RBM3: variants seen among roughly 807,000 people sequenced by gnomAD.
The protein encoded by RBM3 is RNA binding motif protein 3, also known as RNA-binding protein 3.
Under a neutral mutation model 12.0 loss-of-function variants are expected in RBM3, and 3 were observed. The observed-to-expected ratio is 0.25, with a 90% CI of 0.11 to 0.65. RBM3 has a LOEUF of 0.65. Ranked by LOEUF, RBM3 falls within the 30% of genes least tolerant of loss-of-function variation. The pLI, the probability that RBM3 is intolerant of heterozygous loss-of-function variation, is 0.84. For missense variants in RBM3, 108 were observed against 134.5 expected (o/e 0.80, Z 0.97); for synonymous variants, 58 against 45.7 (o/e 1.27, Z -1.08).
At chrX:48,577,328 A>C in intron 6 of RBM3, 137 bp from the exon 7 acceptor site, 2 of 921,492 alleles carry the variant, frequency 2.2e-6, no homozygotes, top group East Asian at 6.8e-5. Flanking sequence ...ATAATCTTCT[A>C]CTCTTGTGTG....
intron 2 of RBM3, 96 bp from the exon 3 acceptor site, chrX:48,575,465 C>G (rs1327748071): frequency 1.9e-5 from 16 of 855,023 alleles, no homozygotes; most frequent in African/African-American, 4.0e-5. Flanking sequence ...CTCCGTTTTC[C>G]CTACCTATGC....
In RBM3 at chrX:48,576,431, G is replaced by A; in HGVS notation, c.316+12G>A. On this transcript the variant is annotated intron_variant, in intron 4 of 6. Transcript: ENST00000376759. ...CAGCTACTCTAGAGGTGAGTGCAGT[G>A]ATCGTTTTGATCATGGGGTGAGAGG... 8.3e-7 allele frequency: 1 copy of A among 1,205,593 alleles called. No individual in the cohort carries two copies. Among genetic ancestry groups the A allele is most frequent in the Non-Finnish European group, 1.1e-6 (1 of 892,580 alleles).
intron 1 of RBM3, chrX:48,574,891 G>C (rs1343198278): frequency 2.4e-6 from 1 of 412,933 alleles, no homozygotes; most frequent in Non-Finnish European, 4.5e-6. Flanking sequence ...GGAACGCAGG[G>C]ATGTTCTGGG....
Position 48,575,225 on chromosome X carries a change from T to A in RBM3, c.45T>A (p.Phe15Leu), listed in dbSNP as rs371016165. The A allele has an allele frequency of 1.7e-6, 2 of 1,210,449 alleles. No homozygotes were observed. Among genetic ancestry groups the A allele is most frequent in the Non-Finnish European group, 2.2e-6 (2 of 895,011 alleles). The change falls in exon 2 of 7, where the codon TTT becomes TTA. Residue 15 changes from phenylalanine to leucine, a missense_variant. Physicochemically the swap from Phe to Leu is conservative, Grantham distance 22 (BLOSUM62 0). Transcript: ENST00000376759. ...AGCTCTTCGTGGGAGGGCTCAACTT[T>A]AACACCGACGAGCAGGCACTGGAAG... ...EGKLFVGGLN[F>L]NTDEQALEDH... is the part of the protein sequence containing the mutation.
Position 48,579,428 on chromosome X carries a change from T to C in RBM3, c.*1987T>C, listed in dbSNP as rs782715944. On this transcript the variant is annotated 3_prime_UTR_variant, in exon 7 of 7. Coordinates refer to ENST00000376759, the MANE Select transcript of RBM3 (RefSeq NM_006743.5). ...GACAGGCCCCAATATCCCTTCTTCC[T>C]GTAACCCAAACAGTCATGAATTTGC... Among the ~76,000 whole-genome samples, 3 of 111,950 alleles carry C rather than the reference T, an allele frequency of 2.7e-5. No individual in the cohort carries two copies. Among genetic ancestry groups the C allele is most frequent in the Non-Finnish European group, 5.6e-5 (3 of 53,182 alleles).
In RBM3 at chrX:48,575,241, G is replaced by C; in HGVS notation, c.61G>C (p.Ala21Pro). The C allele has an allele frequency of 8.3e-7, 1 of 1,210,304 alleles. No individual in the cohort carries two copies. The highest frequency in any genetic ancestry group is 1.1e-6 in the Non-Finnish European group (1 of 894,863). ...GGLNFNTDEQ[A>P]LEDHFSSFGP... Reference sequence around the variant, plus strand: ...GCTCAACTTTAACACCGACGAGCAGGCACTGGAAGACCACTTCAGCAGTTT... The same window carrying C: ...GCTCAACTTTAACACCGACGAGCAGCCACTGGAAGACCACTTCAGCAGTTT... The change falls in exon 2 of 7, where the codon GCA becomes CCA. Residue 21 changes from alanine to proline, a missense_variant. Ala to Pro is a conservative substitution (Grantham distance 27). Around this residue, in one of 2 missense-constraint regions of RBM3, gnomAD observed 43 missense variants for 79.6 expected, o/e 0.54. Transcript: ENST00000376759.
chrX:48,575,799 C>T, intron 3 of RBM3, 132 bp downstream of exon 3: 1 of 671,955 alleles, frequency 1.5e-6, no homozygotes, highest in Non-Finnish European at 2.2e-6. Context: ...AGGAGCATGA[C>T]TGCCTTTTGT....
chrX:48,577,744 A>G lies in RBM3; in HGVS notation c.*303A>G, dbSNP rs2062087523. On this transcript the variant is annotated 3_prime_UTR_variant, in exon 7 of 7. Coordinates refer to ENST00000376759, the MANE Select transcript of RBM3 (RefSeq NM_006743.5). ...GCTCTTAGGTTTATTGGAGCTAGCAATAATTGGTTCTGGCAAGTTTGGCCA... is the reference window on the plus strand; with the variant it reads ...GCTCTTAGGTTTATTGGAGCTAGCAGTAATTGGTTCTGGCAAGTTTGGCCA... 5.2e-6 allele frequency: 1 copy of G among 193,935 alleles called. No individual in the cohort carries two copies. Among genetic ancestry groups the G allele is most frequent in the Non-Finnish European group, 9.5e-6 (1 of 104,983 alleles). The allele number at this position is 193,935 out of a possible 1,213,427, so 16.0% of individuals were successfully genotyped here.
chrX:48,580,495 C>G lies in RBM3; in HGVS notation c.*3054C>G, dbSNP rs781944930. Reference sequence around the variant, plus strand: ...CACTGTACCCTCCGCCTCCCAGGTTCAAGCAGTTCTCATGCCTCAGCCTCC... The same window carrying G: ...CACTGTACCCTCCGCCTCCCAGGTTGAAGCAGTTCTCATGCCTCAGCCTCC... On this transcript the variant is annotated 3_prime_UTR_variant, in exon 7 of 7. Transcript: ENST00000376759. 1.4e-4 allele frequency among the ~76,000 whole-genome samples: 16 copies of G among 111,404 alleles called. No individual in the cohort carries two copies. The highest frequency in any genetic ancestry group is 2.4e-4 in the Non-Finnish European group (13 of 53,095).
At position 48,577,100 on chromosome X, in the gene RBM3, C is replaced by T. The variant is rs1261563627; in HGVS notation, c.*14C>T. Reference sequence around the variant, plus strand: ...TATGACAACTGAAATGAGACATGCACATAATATAGGTGAGACTTGGATATC... The same window carrying T: ...TATGACAACTGAAATGAGACATGCATATAATATAGGTGAGACTTGGATATC... On this transcript the variant is annotated 3_prime_UTR_variant, in exon 6 of 7. Coordinates refer to ENST00000376759, the MANE Select transcript of RBM3 (RefSeq NM_006743.5). 1 of 1,209,793 alleles carries T rather than the reference C, an allele frequency of 8.3e-7. No individual in the cohort carries two copies. The highest frequency in any genetic ancestry group is 2.3e-4 in the Middle Eastern group (1 of 4,355).
In RBM3 at chrX:48,581,077, G is replaced by GT. The variant is rs1225443376; in HGVS notation, c.*3636_*3637insT. 9.7e-6 allele frequency: 1 copy of GT among 103,443 alleles called. No individual in the cohort carries two copies. The highest frequency in any genetic ancestry group is 3.7e-5 in the African/African-American group (1 of 26,882). The allele number at this position is 103,443 out of a possible 1,213,427, so 8.5% of individuals were successfully genotyped here. ...AAGTGCCCTGGATCTGGGGGCGGGG[G>GT]GGGGCGGGGGGAATGGGTCTTTTCT... On this transcript the variant is annotated 3_prime_UTR_variant, in exon 7 of 7. Transcript: ENST00000376759.
rs1556990044 is a variant in RBM3 at position 48,579,279 on chromosome X, C to T, written c.*1838C>T. On this transcript the variant is annotated 3_prime_UTR_variant, in exon 7 of 7. Transcript: ENST00000376759. ...TGGCTAATACTGAGCTAAGTTACCA[C>T]CAGGTTGCAAACTCCAGGACATTAT... 8.9e-6 allele frequency among the ~76,000 whole-genome samples: 1 copy of T among 111,963 alleles called. No individual in the cohort carries two copies. The highest frequency in any genetic ancestry group is 9.6e-5 in the Admixed American group (1 of 10,451).
At position 48,577,460 on chromosome X, in the gene RBM3, C is replaced by G. The variant is rs782274648; in HGVS notation, c.*24-5C>G. ...TCACAATTCTCCCCCTCTTGCTGTT[C>G]CCAGATACACAAGGAATAATTTCTG... On this transcript the variant is annotated splice_polypyrimidine_tract_variant and splice_region_variant and intron_variant, in intron 6 of 6. Coordinates refer to ENST00000376759, the MANE Select transcript of RBM3 (RefSeq NM_006743.5). The G allele has an allele frequency of 1.2e-5, 13 of 1,048,745 alleles. No individual in the cohort carries two copies. In the Admixed American group the frequency reaches 3.1e-4, roughly 25 times the overall value. 86.4% of individuals were successfully genotyped at this position (1,048,745 alleles called of 1,213,427 possible). A position where few individuals can be genotyped will look rare whatever the true frequency, so the allele number is the denominator to read the frequency against.
rs782133802 is a variant in RBM3, at chrX:48,576,601, G to T, written c.410G>T (p.Gly137Val). 20 of 1,170,935 alleles carry T rather than the reference G, an allele frequency of 1.7e-5. No individual in the cohort carries two copies. The highest frequency in any genetic ancestry group is 2.6e-5 in the Admixed American group (1 of 39,093). ...YGYGRSRDYN[G>V]RNQGGYDRYS... ...TATGGACGTTCCAGAGACTATAATG[G>T]CAGGTGGGTAGCCAAAGGGCTGGGA... The change falls in exon 5 of 7, where the codon GGC (glycine) becomes GTC (valine). Residue 137 changes from glycine to valine, a missense_variant. By Grantham distance (109) the Gly-to-Val change is moderately radical. Coordinates refer to ENST00000376759, the MANE Select transcript of RBM3 (RefSeq NM_006743.5).
At position 48,575,386 on chromosome X, in the gene RBM3, TC is replaced by T. The variant is rs1161235491; in HGVS notation, c.103+104del. 4 of 873,573 alleles carry T rather than the reference TC, an allele frequency of 4.6e-6. No individual in the cohort carries two copies. In the Admixed American group the frequency reaches 1.1e-4, roughly 24 times the overall value. The allele number at this position is 873,573 out of a possible 1,213,427, so 72.0% of individuals were successfully genotyped here. Reference sequence around the variant, plus strand: ...AAAGTTAGGACCCACGCCTCCAAATTCTTTTTCTTCCTAAGCCTATGGTGTA... The same window carrying T: ...AAAGTTAGGACCCACGCCTCCAAATTTTTTTCTTCCTAAGCCTATGGTGTA... On this transcript the variant is annotated intron_variant, in intron 2 of 6. Transcript: ENST00000376759.
rs781784849 is a variant in RBM3, at chrX:48,580,645, C to T, written c.*3204C>T. 1.4e-3 allele frequency: 162 copies of T among 112,037 alleles called. No individual in the cohort carries two copies. The highest frequency in any genetic ancestry group is 2.5e-3 in the Non-Finnish European group (136 of 53,335). The allele number at this position is 112,037 out of a possible 1,213,427, so 9.2% of individuals were successfully genotyped here. ...CTGACCTCAAGTGATCCACCCGCCT[C>T]GGCCTCCCAAAGTGCTGGGATTACA... On this transcript the variant is annotated 3_prime_UTR_variant, in exon 7 of 7. Coordinates refer to ENST00000376759, the MANE Select transcript of RBM3 (RefSeq NM_006743.5).
chrX:48,576,252 T>C, intron 3 of RBM3, 62 bp from the exon 4 acceptor site: 1 of 1,172,122 alleles, frequency 8.5e-7, no homozygotes, highest in Non-Finnish European at 1.1e-6. Flanking sequence ...CCTTGCCTGC[T>C]CTTCCCTCAC....
Position 48,576,363 on chromosome X carries a change from G to T in RBM3, c.260G>T (p.Arg87Leu). Reference sequence around the variant, plus strand: ...GTGGATCATGCAGGCAAGTCTGCTCGGGGAACCAGAGGAGGTGGCTTTGGG... The same window carrying T: ...GTGGATCATGCAGGCAAGTCTGCTCTGGGAACCAGAGGAGGTGGCTTTGGG... Reference protein sequence around the residue: ...IRVDHAGKSARGTRGGGFGAH... With the variant: ...IRVDHAGKSALGTRGGGFGAH... Residue 87 changes from arginine to leucine, a missense_variant, in exon 4 of 7, where the codon CGG becomes CTG. By Grantham distance (102) the Arg-to-Leu change is moderately radical. Coordinates refer to ENST00000376759, the MANE Select transcript of RBM3 (RefSeq NM_006743.5). 1 of 1,211,309 alleles carries T rather than the reference G, an allele frequency of 8.3e-7. No individual in the cohort carries two copies. The highest frequency in any genetic ancestry group is 1.8e-5 in the South Asian group (1 of 56,784).
At position 48,577,507 on chromosome X, in the gene RBM3, T is replaced by G; in HGVS notation, c.*66T>G. 1 of 1,032,030 alleles carries G rather than the reference T, an allele frequency of 9.7e-7. No individual in the cohort carries two copies. The highest frequency in any genetic ancestry group is 2.0e-5 in the South Asian group (1 of 50,535). 85.1% of individuals were successfully genotyped at this position (1,032,030 alleles called of 1,213,427 possible). A position where few individuals can be genotyped will look rare whatever the true frequency, so the allele number is the denominator to read the frequency against. On this transcript the variant is annotated 3_prime_UTR_variant, in exon 7 of 7. Coordinates refer to ENST00000376759, the MANE Select transcript of RBM3 (RefSeq NM_006743.5). The stretch of plus-strand genomic sequence containing the variant: ...TCTGATCCAGGATCGTCCTTCCAAA[T>G]GGCTGTATTTATAAAGGTTTTTGGA...
Sources: gnomAD v4.1 joint callset for allele counts (sites outside exome capture counted in the v4.1 genomes callset) on GRCh38, gnomAD v4.1.1 for gene constraint, gnomAD v4.1.1 regional missense constraint, MANE v1.5 for transcripts, NCBI Gene and HGNC (gene_info 2026-07-23, HGNC 2026-07-21) for gene names.